Variants in RALYL observed in about 807,000 individuals in gnomAD.
RALYL encodes the protein RNA-binding Raly-like protein.
In RALYL, 29 loss-of-function variants were observed where a neutral mutation model predicts 35.1. The observed-to-expected ratio is 0.83, with a 90% CI of 0.61 to 1.13. The LOEUF is 1.13. RALYL is among the 50% of genes most tolerant of loss of function. The pLI, the probability that RALYL is intolerant of heterozygous loss-of-function variation, is 0.00. For missense variants in RALYL, 359 were observed against 360.4 expected, an observed-to-expected ratio of 1.00 and a Z score of 0.03; for synonymous variants, 120 against 127.6, an observed-to-expected ratio of 0.94 and a Z score of 0.40.
At chr8:84,434,996 G>A (rs920193029) in intron 1 of RALYL, among the ~76,000 whole-genome samples, 5 of 152,086 alleles carry the variant, frequency 3.3e-5, no homozygotes, top group African/African-American at 1.2e-4. Context: ...ACACTAACAT[G>A]ACCATTTCAA....
chr8:84,749,355 C>G, intron 2 of RALYL, among the ~76,000 whole-genome samples: 1 of 152,088 alleles, frequency 6.6e-6, no homozygotes, highest in Admixed American at 6.6e-5. Flanking sequence ...GGCCATATGG[C>G]TTTGCCTTAA....
At chr8:84,624,169 A>G (rs1246348756) in intron 2 of RALYL, among the ~76,000 whole-genome samples, 1 of 152,216 alleles carries the variant, frequency 6.6e-6, no homozygotes. Flanking sequence ...TTTTTCAAGG[A>G]CAGCCCTTTC....
chr8:84,445,035 T>C (rs1474654121), intron 1 of RALYL, among the ~76,000 whole-genome samples: 1 of 152,120 alleles, frequency 6.6e-6, no homozygotes, highest in African/African-American at 2.4e-5. Flanking sequence ...ATGTCTCTAA[T>C]GTTTACCCAA....
intron 1 of RALYL, among the ~76,000 whole-genome samples, chr8:84,192,568 C>A (rs1285025434): frequency 2.1e-5 from 3 of 145,780 alleles, no homozygotes; most frequent in Admixed American, 1.4e-4. Flanking sequence ...TTTTTTCTTT[C>A]TTTTTTTGAG....
intron 1 of RALYL, among the ~76,000 whole-genome samples, chr8:84,417,943 A>G (rs2044921718): frequency 6.6e-6 from 1 of 152,150 alleles, no homozygotes; most frequent in South Asian, 2.1e-4. Flanking sequence ...TTTCTTTTTC[A>G]GTAAAAGCAC....
rs373325696 is a variant in RALYL, at chr8:84,708,343, C to T, written c.257-66236C>T. On this transcript the variant is annotated intron_variant, in intron 2 of 8. Coordinates refer to ENST00000521268, the MANE Select transcript of RALYL (RefSeq NM_173848.7). ...GATTAGTTATTTATAATTCACTATACAAGAGGAGGAGAGGGAGGGAAGAGT... is the reference window on the plus strand; with the variant it reads ...GATTAGTTATTTATAATTCACTATATAAGAGGAGGAGAGGGAGGGAAGAGT... Among the ~76,000 whole-genome samples the T allele has an allele frequency of 2.6e-5, 4 of 152,012 alleles. No individual in the cohort carries two copies. The South Asian group carries it at 8.3e-4, about 32-fold the overall frequency.
chr8:84,792,493 G>A (rs926788993), intron 3 of RALYL, among the ~76,000 whole-genome samples: 1 of 152,198 alleles, frequency 6.6e-6, no homozygotes, highest in Non-Finnish European at 1.5e-5. Context: ...GTTTACATGG[G>A]TACAGGATAG....
chr8:84,542,080 T>A (rs2060054060), intron 2 of RALYL, among the ~76,000 whole-genome samples: 1 of 152,160 alleles, frequency 6.6e-6, no homozygotes, highest in African/African-American at 2.4e-5. Context: ...TGCTGTTTTT[T>A]AAATTTGTTC....
intron 1 of RALYL, among the ~76,000 whole-genome samples, chr8:84,306,052 T>C (rs914763940): frequency 1.3e-5 from 2 of 151,896 alleles, no homozygotes; most frequent in Non-Finnish European, 1.5e-5. Context: ...TAGTCCTAGC[T>C]ATTCGGGAGG....
intron 4 of RALYL, among the ~76,000 whole-genome samples, chr8:84,812,894 C>T (rs904170700): frequency 6.6e-6 from 1 of 152,222 alleles, no homozygotes; most frequent in Non-Finnish European, 1.5e-5. Context: ...GGAGTCTGCA[C>T]ACTGGATTCC....
chr8:84,791,894 A>G (rs1436061859), intron 3 of RALYL, among the ~76,000 whole-genome samples: 1 of 152,134 alleles, frequency 6.6e-6, no homozygotes, highest in Non-Finnish European at 1.5e-5. Flanking sequence ...GTGAAACAGG[A>G]GAGTTCCCTG....
rs1270583100 is a variant in RALYL at position 84,389,870 on chromosome 8, C to G, written c.-23-139429C>G. 4.0e-5 allele frequency among the ~76,000 whole-genome samples: 6 copies of G among 151,366 alleles called. No individual in the cohort carries two copies. The East Asian group carries it at 1.2e-3, about 29-fold the overall frequency. Reference sequence around the variant, plus strand: ...TGCCTAATTGCCCTGGCCAGAACTTCCAACAGTATGTTGAATAGGAGTGGT... The same window carrying G: ...TGCCTAATTGCCCTGGCCAGAACTTGCAACAGTATGTTGAATAGGAGTGGT... On this transcript the variant is annotated intron_variant, in intron 1 of 8. Transcript: ENST00000521268.
At chr8:84,459,639 G>A (rs1013850199) in intron 1 of RALYL, among the ~76,000 whole-genome samples, 3 of 151,714 alleles carry the variant, frequency 2.0e-5, no homozygotes, top group African/African-American at 7.3e-5. Context: ...GGGAGCCAAG[G>A]GAGAGGACAG....
chr8:84,583,902 G>T (rs1467149656), intron 2 of RALYL, among the ~76,000 whole-genome samples: 1 of 152,060 alleles, frequency 6.6e-6, no homozygotes, highest in African/African-American at 2.4e-5. Context: ...TATAGCCAAT[G>T]ATTTTATGAT....
At chr8:84,397,772 C>T (rs1011743127) in intron 1 of RALYL, among the ~76,000 whole-genome samples, 1 of 151,628 alleles carries the variant, frequency 6.6e-6, no homozygotes, top group African/African-American at 2.4e-5. Context: ...GTTCTTGCAT[C>T]AGTCGCAGAC....
chr8:84,651,452 A>G (rs1828808007), intron 2 of RALYL, among the ~76,000 whole-genome samples: 2 of 151,946 alleles, frequency 1.3e-5, no homozygotes, highest in Non-Finnish European at 1.5e-5. Flanking sequence ...TTATGAGACA[A>G]ATAGGGAAAT....
rs193130666 is a variant in RALYL, at chr8:84,479,135, G to C, written c.-23-50164G>C. Among the ~76,000 whole-genome samples, 4 of 125,586 alleles carry C rather than the reference G, an allele frequency of 3.2e-5. No homozygotes were observed. In the Admixed American group the frequency reaches 3.3e-4, roughly 10 times the overall value. 82.4% of individuals were successfully genotyped at this position (125,586 alleles called of 152,430 possible). ...AAAAAAAAAAAAAATCTATACACAG[G>C]GTTCTGTATATCCTTTAGGATTCTC... On this transcript the variant is annotated intron_variant, in intron 1 of 8. Coordinates refer to ENST00000521268, the MANE Select transcript of RALYL (RefSeq NM_173848.7).
At chr8:84,260,490 G>A (rs1159277108) in intron 1 of RALYL, among the ~76,000 whole-genome samples, 1 of 152,096 alleles carries the variant, frequency 6.6e-6, no homozygotes, top group East Asian at 1.9e-4. Flanking sequence ...TTCTCAGAGA[G>A]AGAACATGGA....
intron 2 of RALYL, among the ~76,000 whole-genome samples, chr8:84,536,522 A>T (rs1456373796): frequency 6.6e-6 from 1 of 152,230 alleles, no homozygotes; most frequent in East Asian, 1.9e-4. Context: ...AGATTGACAG[A>T]CAGCCTGGGG....
Sources: gnomAD v4.1 joint callset for allele counts (sites outside exome capture counted in the v4.1 genomes callset) on GRCh38, gnomAD v4.1.1 for gene constraint, MANE v1.5 for transcripts, NCBI Gene and HGNC (gene_info 2026-07-23, HGNC 2026-07-21) for gene names.